Variants in VWC2L observed in about 807,000 individuals in gnomAD.
VWC2L encodes von Willebrand factor C domain containing 2 like.
VWC2L carries 10 observed loss-of-function variants against 21.6 expected under a neutral mutation model. The observed-to-expected ratio is 0.46, with a 90% confidence interval of 0.29 to 0.78. The LOEUF is 0.78. VWC2L is among the 30% of genes least tolerant of loss of function. The pLI is 0.10. For synonymous variants in VWC2L, 96 were observed against 94.3 expected, an observed-to-expected ratio of 1.02 and a Z score of -0.10; for missense variants, 209 against 277.1, an observed-to-expected ratio of 0.75 and a Z score of 1.74.
At chr2:214,521,008 G>A (rs1689230354) in intron 3 of VWC2L, among the ~76,000 whole-genome samples, 1 of 151,834 alleles carries the variant, frequency 6.6e-6, no homozygotes, top group African/African-American at 2.4e-5. Context: ...TGGATCACGA[G>A]GTCAGGAGAT....
At chr2:214,477,477 C>G (rs893240590) in intron 3 of VWC2L, among the ~76,000 whole-genome samples, 2 of 152,068 alleles carry the variant, frequency 1.3e-5, no homozygotes, top group Non-Finnish European at 2.9e-5. Context: ...TTTTTTGTTC[C>G]TATGACCACA....
At chr2:214,453,249 A>G (rs1471857967) in intron 3 of VWC2L, among the ~76,000 whole-genome samples, 4 of 152,204 alleles carry the variant, frequency 2.6e-5, no homozygotes, top group Admixed American at 6.5e-5. Context: ...ATTTGTGAAT[A>G]TGATGCAAGA....
intron 3 of VWC2L, among the ~76,000 whole-genome samples, chr2:214,497,162 G>A (rs1027119388): frequency 2.0e-5 from 3 of 151,940 alleles, no homozygotes; most frequent in South Asian, 2.1e-4. Context: ...TCCAAGAATA[G>A]TCTTTGGCTT....
chr2:214,471,613 C>T (rs569908906), intron 3 of VWC2L, among the ~76,000 whole-genome samples: 1 of 152,272 alleles, frequency 6.6e-6, no homozygotes, highest in African/African-American at 2.4e-5. Flanking sequence ...ACCACTATTT[C>T]CTATCAGAAG....
intron 3 of VWC2L, among the ~76,000 whole-genome samples, chr2:214,439,604 T>C (rs925379379): frequency 2.0e-5 from 3 of 152,106 alleles, no homozygotes; most frequent in African/African-American, 7.2e-5. Context: ...GGCTGTCAAA[T>C]ACTTTGGTTT....
chr2:214,576,354 A>G lies in VWC2L; in HGVS notation c.*534A>G, dbSNP rs975267126. The stretch of plus-strand genomic sequence containing the variant: ...CGAGCTGGGAAACACAAGAGCATCC[A>G]GTCAATTGCTCCCCTAGGGTGAATC... On this transcript the variant is annotated 3_prime_UTR_variant, in exon 4 of 4. Coordinates refer to ENST00000312504, the MANE Select transcript of VWC2L (RefSeq NM_001080500.4). The G allele has an allele frequency of 2.6e-5, 4 of 152,236 alleles. No homozygotes were observed. Among genetic ancestry groups the G allele is most frequent in the African/African-American group, 2.4e-5 (1 of 41,454 alleles). The allele number at this position is 152,236 out of a possible 1,614,324, so 9.4% of individuals were successfully genotyped here. A position where few individuals can be genotyped will look rare whatever the true frequency, so the allele number is the denominator to read the frequency against.
chr2:214,489,840 A>G (rs1396701163), intron 3 of VWC2L, among the ~76,000 whole-genome samples: 1 of 152,204 alleles, frequency 6.6e-6, no homozygotes, highest in East Asian at 1.9e-4. Context: ...TCTATTTTTA[A>G]TATGTGGCTT....
At chr2:214,565,291 C>A (rs958920249) in intron 3 of VWC2L, among the ~76,000 whole-genome samples, 2 of 152,138 alleles carry the variant, frequency 1.3e-5, no homozygotes, top group African/African-American at 4.8e-5. Flanking sequence ...TTTGCCTACT[C>A]TTTTATTGAG....
intron 3 of VWC2L, among the ~76,000 whole-genome samples, chr2:214,476,248 CATT>C (rs1374969628): frequency 2.6e-5 from 4 of 152,136 alleles, no homozygotes; most frequent in African/African-American, 9.7e-5. Context: ...GCACATATTG[CATT>C]ATTGAAATCA....
At chr2:214,474,549 C>A (rs577709143) in intron 3 of VWC2L, among the ~76,000 whole-genome samples, 1 of 152,240 alleles carries the variant, frequency 6.6e-6, no homozygotes, top group Non-Finnish European at 1.5e-5. Flanking sequence ...ACTATTATTG[C>A]ATAAGTACGC....
At chr2:214,541,546 G>A (rs1320307241) in intron 3 of VWC2L, among the ~76,000 whole-genome samples, 3 of 152,162 alleles carry the variant, frequency 2.0e-5, no homozygotes, top group African/African-American at 7.2e-5. Context: ...AATTGTTTGG[G>A]TAGTGCATGG....
intron 3 of VWC2L, among the ~76,000 whole-genome samples, chr2:214,529,732 C>T (rs937229451): frequency 1.3e-5 from 2 of 151,624 alleles, no homozygotes; most frequent in African/African-American, 4.8e-5. Flanking sequence ...ATTATTGCAT[C>T]GATTCTACAC....
chr2:214,549,746 C>G (rs574483676), intron 3 of VWC2L, among the ~76,000 whole-genome samples: 11 of 152,350 alleles, frequency 7.2e-5, no homozygotes, highest in African/African-American at 2.6e-4. Context: ...GCACTCCAGC[C>G]TGGCAACAGA....
In VWC2L at chr2:214,459,902, C is replaced by CTTTTT. The variant is rs57351904; in HGVS notation, c.520+23162_520+23166dup. ...TCTAGAATTATTTCTTTTCCTTTGA[C>CTTTTT]TTTTTTTTTTTTTTTTTTTTTTGAG... On this transcript the variant is annotated intron_variant, in intron 3 of 3. Coordinates refer to ENST00000312504, the MANE Select transcript of VWC2L (RefSeq NM_001080500.4). Among the ~76,000 whole-genome samples, 302 of 85,134 alleles carry CTTTTT rather than the reference C, an allele frequency of 3.5e-3. 3 individuals are homozygous for CTTTTT. Among genetic ancestry groups the CTTTTT allele is most frequent in the Non-Finnish European group, 4.2e-3 (199 of 47,850 alleles). The allele number at this position is 85,134 out of a possible 152,430, so 55.9% of individuals were successfully genotyped here.
intron 3 of VWC2L, among the ~76,000 whole-genome samples, chr2:214,449,136 C>A (rs1702915672): frequency 6.6e-6 from 1 of 152,048 alleles, no homozygotes; most frequent in Non-Finnish European, 1.5e-5. Context: ...ACCTGATGTC[C>A]CAGCTATTTC....
At chr2:214,443,567 C>T (rs539974038) in intron 3 of VWC2L, among the ~76,000 whole-genome samples, 9 of 152,014 alleles carry the variant, frequency 5.9e-5, no homozygotes. Flanking sequence ...CCTTGTTAGT[C>T]ATTTGAGGAG....
chr2:214,510,714 TACAC>T (rs1559312958), intron 3 of VWC2L, among the ~76,000 whole-genome samples: 2 of 152,214 alleles, frequency 1.3e-5, no homozygotes, highest in South Asian at 4.1e-4. Flanking sequence ...TTTAAAAATA[TACAC>T]ACAGAGTGTA....
At chr2:214,563,990 G>A (rs922250927) in intron 3 of VWC2L, among the ~76,000 whole-genome samples, 6 of 152,220 alleles carry the variant, frequency 3.9e-5, no homozygotes, top group South Asian at 4.1e-4. Flanking sequence ...TAAAATCAAC[G>A]TGTAGAAGTC....
intron 3 of VWC2L, among the ~76,000 whole-genome samples, chr2:214,471,525 T>G (rs1703310234): frequency 6.6e-6 from 1 of 152,164 alleles, no homozygotes; most frequent in African/African-American, 2.4e-5. Flanking sequence ...CAACAGCCCT[T>G]TTGCAGATGA....
Sources: gnomAD v4.1 joint callset for allele counts (sites outside exome capture counted in the v4.1 genomes callset) on GRCh38, gnomAD v4.1.1 for gene constraint, MANE v1.5 for transcripts, NCBI Gene and HGNC (gene_info 2026-07-23, HGNC 2026-07-21) for gene names.